SLC39A11: variants seen among roughly 807,000 people sequenced by gnomAD.
The protein encoded by SLC39A11 is zinc transporter ZIP11.
A neutral mutation model predicts 36.1 loss-of-function variants in SLC39A11; 33 were observed. That is an observed-to-expected ratio of 0.91 (90% CI 0.69 to 1.22). The LOEUF (loss-of-function observed/expected upper bound fraction) is 1.22, where lower values mean the gene tolerates loss of function less well. Ranked by LOEUF, SLC39A11 falls within the 50% of genes most tolerant of loss-of-function variation. The probability of loss-of-function intolerance (pLI) is 0.00; values close to 1 mark genes in which losing one functional copy is unlikely to be tolerated. For missense variants in SLC39A11, 432 were observed against 430.3 expected, an observed-to-expected ratio of 1.00 and a Z score of -0.03; for synonymous variants, 166 against 170.3, an observed-to-expected ratio of 0.97 and a Z score of 0.20.
intron 6 of SLC39A11, among the ~76,000 whole-genome samples, chr17:72,816,974 TCTTA>T (rs1248872521): frequency 1.3e-5 from 2 of 152,192 alleles, no homozygotes; most frequent in African/African-American, 4.8e-5. Flanking sequence ...ATAATTATTT[TCTTA>T]CTTCCAGGGT....
intron 4 of SLC39A11, among the ~76,000 whole-genome samples, chr17:72,951,928 GGTTGCATT>G (rs1483848727): frequency 6.6e-6 from 1 of 152,018 alleles, no homozygotes; most frequent in African/African-American, 2.4e-5. Flanking sequence ...ATATTCTGTG[GGTTGCATT>G]GCTTTATTTC....
intron 6 of SLC39A11, among the ~76,000 whole-genome samples, chr17:72,811,445 G>T (rs1007405344): frequency 1.3e-5 from 2 of 152,098 alleles, no homozygotes; most frequent in Non-Finnish European, 2.9e-5. Context: ...AAAGCTTTGT[G>T]GAAAAATAGT....
chr17:72,960,765 C>T (rs1461558635), intron 4 of SLC39A11, among the ~76,000 whole-genome samples: 1 of 151,858 alleles, frequency 6.6e-6, no homozygotes, highest in Non-Finnish European at 1.5e-5. Flanking sequence ...GAGCCATGAT[C>T]GCACCACTGT....
chr17:72,847,512 T>G (rs372942974), intron 6 of SLC39A11, among the ~76,000 whole-genome samples: 2 of 152,078 alleles, frequency 1.3e-5, no homozygotes, highest in East Asian at 3.8e-4. Context: ...GATGAAAATG[T>G]TGGGAAAACT....
intron 6 of SLC39A11, chr17:72,821,581 A>T (rs1484871988): frequency 6.6e-6 from 1 of 150,660 alleles, no homozygotes; most frequent in African/African-American, 2.4e-5. Flanking sequence ...AAAAAATCTG[A>T]AAAGACATAC....
rs562561131 is a variant in SLC39A11 at position 72,959,830 on chromosome 17, A to G, written c.307-11955T>C. Among the ~76,000 whole-genome samples, 14 of 152,348 alleles carry G rather than the reference A, an allele frequency of 9.2e-5. No individual in the cohort carries two copies. In the East Asian group the frequency reaches 2.7e-3, roughly 29 times the overall value. On this transcript the variant is annotated intron_variant, in intron 4 of 9. Transcript: ENST00000255559. The stretch of plus-strand genomic sequence containing the variant: ...TCTCTGTGCCTCCAGTGGTCAAAGT[A>G]GGAGCCAAGAGTCCATGTGTACCTC...
chr17:73,070,386 G>C (rs1241442488), intron 3 of SLC39A11, among the ~76,000 whole-genome samples: 1 of 152,152 alleles, frequency 6.6e-6, no homozygotes, highest in Non-Finnish European at 1.5e-5. Flanking sequence ...CTCCTCCCAG[G>C]CTTCCCTCAT....
At chr17:72,919,544 C>T (rs774441310) in intron 5 of SLC39A11, among the ~76,000 whole-genome samples, 2 of 151,490 alleles carry the variant, frequency 1.3e-5, no homozygotes, top group Non-Finnish European at 2.9e-5. Context: ...TGGTGGCGGG[C>T]GCCTGTAGTC....
chr17:72,952,799 G>A (rs186200097), intron 4 of SLC39A11, among the ~76,000 whole-genome samples: 141 of 152,256 alleles, frequency 9.3e-4, no homozygotes, highest in African/African-American at 3.0e-3. Context: ...CGTGACCAAC[G>A]CAAGCTGTTC....
chr17:72,934,388 G>A (rs966586808), intron 5 of SLC39A11, among the ~76,000 whole-genome samples: 7 of 151,994 alleles, frequency 4.6e-5, no homozygotes, highest in Non-Finnish European at 7.4e-5. Flanking sequence ...TCTCGGGGCC[G>A]GGCACAGTGG....
intron 4 of SLC39A11, among the ~76,000 whole-genome samples, chr17:72,992,082 C>T (rs897418836): frequency 2.6e-5 from 4 of 151,974 alleles, no homozygotes; most frequent in East Asian, 3.9e-4. Context: ...CCAGGAGTGG[C>T]GGCTCACACC....
intron 4 of SLC39A11, among the ~76,000 whole-genome samples, chr17:72,959,325 G>GTGTATATATATATA (rs1436484912): frequency 5.8e-4 from 38 of 65,536 alleles, no homozygotes; most frequent in African/African-American, 2.1e-3. Flanking sequence ...GTGTGTGTGT[G>GTGTATATATATATA]TATATATATA....
intron 5 of SLC39A11, among the ~76,000 whole-genome samples, chr17:72,922,682 C>T (rs1028335515): frequency 1.3e-5 from 2 of 152,090 alleles, no homozygotes; most frequent in Non-Finnish European, 2.9e-5. Context: ...AAACACTAAA[C>T]CCTGGTCAGG....
intron 3 of SLC39A11, among the ~76,000 whole-genome samples, chr17:73,074,651 C>T (rs571790520): frequency 6.6e-6 from 1 of 152,256 alleles, no homozygotes; most frequent in Non-Finnish European, 1.5e-5. Context: ...AAATAGAGAA[C>T]AGCTGGTCAC....
At chr17:72,957,624 G>A (rs1489317104) in intron 4 of SLC39A11, among the ~76,000 whole-genome samples, 1 of 152,252 alleles carries the variant, frequency 6.6e-6, no homozygotes, top group Non-Finnish European at 1.5e-5. Context: ...TTCGAGAACA[G>A]TCTGGCCAAC....
intron 4 of SLC39A11, among the ~76,000 whole-genome samples, chr17:73,011,563 CA>C (rs2090517780): frequency 6.6e-6 from 1 of 151,210 alleles, no homozygotes; most frequent in Admixed American, 6.6e-5. Context: ...ATCATTCGTA[CA>C]AAAAAAGTAG....
chr17:73,085,961 G>A (rs1477431372), intron 2 of SLC39A11, among the ~76,000 whole-genome samples: 4 of 152,094 alleles, frequency 2.6e-5, no homozygotes, highest in Non-Finnish European at 4.4e-5. Context: ...CAAACAGACA[G>A]GGACATTAAA....
At chr17:72,759,915 C>A (rs2075508643) in intron 6 of SLC39A11, among the ~76,000 whole-genome samples, 1 of 152,104 alleles carries the variant, frequency 6.6e-6, no homozygotes, top group Non-Finnish European at 1.5e-5. Flanking sequence ...CTGTGCGGGG[C>A]CCCCTGCCTT....
chr17:73,068,713 C>A (rs991353480), intron 3 of SLC39A11, among the ~76,000 whole-genome samples: 2 of 152,130 alleles, frequency 1.3e-5, no homozygotes, highest in African/African-American at 4.8e-5. Flanking sequence ...GACTCTCCAG[C>A]AGGACTGTCT....
Sources: gnomAD v4.1 joint callset for allele counts (sites outside exome capture counted in the v4.1 genomes callset) on GRCh38, gnomAD v4.1.1 for gene constraint, MANE v1.5 for transcripts, NCBI Gene and HGNC (gene_info 2026-07-23, HGNC 2026-07-21) for gene names.